Variants in CIMAP3 observed in about 807,000 individuals in gnomAD.
The protein encoded by CIMAP3 is ciliary microtubule associated protein 3, also known as ciliary microtubule-associated protein 3.
At chr1:111,344,831 G>A in the CIMAP3 span, among the ~76,000 whole-genome samples, 1 of 152,288 alleles carries the variant, frequency 6.6e-6, no homozygotes, top group South Asian at 2.1e-4. Context: ...AAGACATTTT[G>A]ATCAATGATG....
At chr1:111,339,111 T>G in the CIMAP3 span, among the ~76,000 whole-genome samples, 2 of 151,948 alleles carry the variant, frequency 1.3e-5, no homozygotes, top group African/African-American at 2.4e-5. Flanking sequence ...AACCACATGA[T>G]TATCTCAATA....
chr1:111,351,438 G>C, the CIMAP3 span: 1 of 913,568 alleles, frequency 1.1e-6, no homozygotes, highest in Non-Finnish European at 1.6e-6. Flanking sequence ...TGGCAGCCTG[G>C]AGCCCAGGGA....
At chr1:111,339,907 A>G in the CIMAP3 span, among the ~76,000 whole-genome samples, 1 of 151,796 alleles carries the variant, frequency 6.6e-6, no homozygotes, top group South Asian at 2.1e-4. Context: ...AGTCAATCCT[A>G]AGCCAAAAGA....
chr1:111,324,790 G>A, the CIMAP3 span: 2 of 985,208 alleles, frequency 2.0e-6, no homozygotes, highest in Non-Finnish European at 1.2e-6. Flanking sequence ...AACGACTGAG[G>A]AATCCAGAAG....
chr1:111,351,252 A>C, the CIMAP3 span: 178 of 1,601,708 alleles, frequency 1.1e-4, no homozygotes, highest in Non-Finnish European at 1.5e-4. Context: ...ACGTTCTTTC[A>C]TTGCAGCTGT....
chr1:111,330,540 T>A, the CIMAP3 span, among the ~76,000 whole-genome samples: 2 of 152,216 alleles, frequency 1.3e-5, no homozygotes, highest in African/African-American at 4.8e-5. Flanking sequence ...TCTTGCTTGG[T>A]TATGCAGCTT....
the CIMAP3 span, among the ~76,000 whole-genome samples, chr1:111,336,744 G>C: frequency 6.6e-6 from 1 of 152,320 alleles, no homozygotes; most frequent in African/African-American, 2.4e-5. Context: ...AAGTGACGGG[G>C]AGAATGGAAC....
chr1:111,332,226 G>A, the CIMAP3 span, among the ~76,000 whole-genome samples: 1 of 152,142 alleles, frequency 6.6e-6, no homozygotes, highest in Non-Finnish European at 1.5e-5. Flanking sequence ...TTATGCAGTT[G>A]TTTGGCTTCT....
At chr1:111,347,835 G>A in the CIMAP3 span, 3 of 1,210,888 alleles carry the variant, frequency 2.5e-6, no homozygotes, top group Non-Finnish European at 3.7e-6. Flanking sequence ...GAGTGCAAAG[G>A]GCAGAGAGCA....
the CIMAP3 span, among the ~76,000 whole-genome samples, chr1:111,326,834 G>C: frequency 1.3e-5 from 2 of 152,108 alleles, no homozygotes; most frequent in African/African-American, 4.8e-5. Flanking sequence ...GCACTTTTCT[G>C]ATGATTAGTA....
chr1:111,351,885 G>A, the CIMAP3 span: 1 of 152,270 alleles, frequency 6.6e-6, no homozygotes, highest in Non-Finnish European at 1.5e-5. Flanking sequence ...CATCCATTTA[G>A]TCTGTGAGTC....
the CIMAP3 span, among the ~76,000 whole-genome samples, chr1:111,334,430 C>CA: frequency 7.9e-3 from 1,202 of 152,174 alleles, 16 homozygotes; most frequent in African/African-American, 0.027. Context: ...CAATAAAAAC[C>CA]AAACAAGCCA....
At chr1:111,331,252 C>T in the CIMAP3 span, among the ~76,000 whole-genome samples, 1 of 152,130 alleles carries the variant, frequency 6.6e-6, no homozygotes, top group Non-Finnish European at 1.5e-5. Flanking sequence ...TGTCTCTTTC[C>T]CTAGACTTGG....
chr1:111,327,447 G>C, the CIMAP3 span, among the ~76,000 whole-genome samples: 12 of 151,930 alleles, frequency 7.9e-5, no homozygotes, highest in Admixed American at 7.2e-4. Context: ...GCTCTTCTTT[G>C]TACTTCTGGT....
the CIMAP3 span, among the ~76,000 whole-genome samples, chr1:111,339,139 T>C: frequency 9.1e-4 from 138 of 151,852 alleles, no homozygotes; most frequent in African/African-American, 2.4e-3. Flanking sequence ...AAAAGGCCTT[T>C]GACAAAATTC....
chr1:111,344,001 A>G, the CIMAP3 span, among the ~76,000 whole-genome samples: 1 of 152,170 alleles, frequency 6.6e-6, no homozygotes, highest in Non-Finnish European at 1.5e-5. Context: ...CAAACCAAGT[A>G]TGGTTATTTT....
chr1:111,332,395 C>T, the CIMAP3 span, among the ~76,000 whole-genome samples: 1 of 152,156 alleles, frequency 6.6e-6, no homozygotes, highest in Non-Finnish European at 1.5e-5. Context: ...CATATGGCTT[C>T]TTGGCTGGTC....
At chr1:111,347,304 A>G in the CIMAP3 span, among the ~76,000 whole-genome samples, 2 of 152,186 alleles carry the variant, frequency 1.3e-5, no homozygotes, top group African/African-American at 4.8e-5. Context: ...CCTCACTTCC[A>G]AAGGCCTCTG....
chr1:111,348,507 TG>T, the CIMAP3 span: 1 of 1,591,880 alleles, frequency 6.3e-7, no homozygotes, highest in Non-Finnish European at 8.5e-7. Context: ...ATCTTTTTCT[TG>T]GAAACAGGAA....
Sources: allele counts gnomAD v4.1 joint callset (sites outside exome capture counted in the v4.1 genomes callset), GRCh38; gene constraint gnomAD v4.1.1; transcripts MANE v1.5; gene names NCBI Gene and HGNC (gene_info 2026-07-23, HGNC 2026-07-21).